SLIT3: variants seen among roughly 807,000 people sequenced by gnomAD.
The protein encoded by SLIT3 is slit homolog 3 protein.
In SLIT3, 68 loss-of-function variants were observed where a neutral mutation model predicts 184.0. The observed-to-expected ratio is 0.37, with a 90% confidence interval of 0.30 to 0.45. The LOEUF is 0.45. SLIT3 is among the 20% of genes least tolerant of loss of function. The probability of loss-of-function intolerance (pLI) is 1.00; values close to 1 mark genes in which losing one functional copy is unlikely to be tolerated. For missense variants in SLIT3, 1,707 were observed against 2,026.0 expected, an observed-to-expected ratio of 0.84 and a Z score of 3.02; for synonymous variants, 831 against 828.6, an observed-to-expected ratio of 1.00 and a Z score of -0.05.
At chr5:169,161,896 C>CT (rs1481628447) in intron 4 of SLIT3, among the ~76,000 whole-genome samples, 1 of 152,106 alleles carries the variant, frequency 6.6e-6, no homozygotes, top group African/African-American at 2.4e-5. Context: ...CTTCAGTATC[C>CT]TTCTCTGTAC....
chr5:169,095,089 T>C (rs1447356692), intron 4 of SLIT3, among the ~76,000 whole-genome samples: 1 of 152,200 alleles, frequency 6.6e-6, no homozygotes, highest in South Asian at 2.1e-4. Context: ...ATAATCTCGG[T>C]AGTTTTGAAA....
At chr5:169,141,657 T>G (rs1211796867) in intron 4 of SLIT3, among the ~76,000 whole-genome samples, 1 of 151,530 alleles carries the variant, frequency 6.6e-6, no homozygotes, top group African/African-American at 2.4e-5. Context: ...GGTAATGGCT[T>G]GAACCCGGGA....
chr5:169,116,698 C>T (rs2113275962), intron 4 of SLIT3, among the ~76,000 whole-genome samples: 1 of 152,308 alleles, frequency 6.6e-6, no homozygotes, highest in East Asian at 1.9e-4. Flanking sequence ...TTCTTCCCCT[C>T]AACAAAAGGT....
rs950738281 is a variant in SLIT3 at position 169,007,257 on chromosome 5, A to T, written c.414-123921T>A. On this transcript the variant is annotated intron_variant, in intron 4 of 35. Coordinates refer to ENST00000519560, the MANE Select transcript of SLIT3 (RefSeq NM_003062.4). Reference sequence around the variant, plus strand: ...TGACTCAAATAAATTTTTTTCCTTTATAAATGACCCAGTCTCAGGTATGTC... The same window carrying T: ...TGACTCAAATAAATTTTTTTCCTTTTTAAATGACCCAGTCTCAGGTATGTC... 2.6e-5 allele frequency among the ~76,000 whole-genome samples: 4 copies of T among 152,292 alleles called. No homozygotes were observed. In the East Asian group the frequency reaches 7.7e-4, roughly 29 times the overall value.
At chr5:168,807,393 G>C (rs1757004841) in intron 8 of SLIT3, among the ~76,000 whole-genome samples, 1 of 152,166 alleles carries the variant, frequency 6.6e-6, no homozygotes, top group Admixed American at 6.5e-5. Flanking sequence ...CTGAATACAA[G>C]AAGTAAATGC....
intron 3 of SLIT3, among the ~76,000 whole-genome samples, chr5:169,218,369 T>A (rs1423473312): frequency 6.6e-6 from 1 of 152,220 alleles, no homozygotes; most frequent in Non-Finnish European, 1.5e-5. Context: ...GCTATGTGGC[T>A]GCCTAGTTGA....
intron 3 of SLIT3, among the ~76,000 whole-genome samples, chr5:169,200,196 CA>C (rs1183098041): frequency 1.3e-5 from 2 of 152,228 alleles, no homozygotes; most frequent in African/African-American, 4.8e-5. Context: ...AGGGCCTGGG[CA>C]TGGCCCACTG....
intron 4 of SLIT3, among the ~76,000 whole-genome samples, chr5:168,888,649 T>C (rs1399136628): frequency 6.6e-6 from 1 of 152,206 alleles, no homozygotes; most frequent in Non-Finnish European, 1.5e-5. Flanking sequence ...AGGTTTGCAC[T>C]TCTTTGACTA....
At chr5:168,901,021 C>T (rs994859497) in intron 4 of SLIT3, among the ~76,000 whole-genome samples, 1 of 152,088 alleles carries the variant, frequency 6.6e-6, no homozygotes, top group African/African-American at 2.4e-5. Context: ...ACTGGGGTGA[C>T]GGATATCCTA....
At chr5:169,147,450 A>G (rs985971218) in intron 4 of SLIT3, among the ~76,000 whole-genome samples, 4 of 151,978 alleles carry the variant, frequency 2.6e-5, no homozygotes, top group African/African-American at 4.8e-5. Flanking sequence ...TACTACAGAC[A>G]GGGTTTGATC....
At chr5:168,762,478 C>G (rs1383913944) in intron 15 of SLIT3, 61 bp downstream of exon 15, 1 of 1,576,604 alleles carries the variant, frequency 6.3e-7, no homozygotes, top group East Asian at 2.3e-5. Context: ...CCTGCCCACG[C>G]TGGCTCCGGG....
intron 4 of SLIT3, among the ~76,000 whole-genome samples, chr5:169,029,832 G>A (rs1756958643): frequency 6.6e-6 from 1 of 152,200 alleles, no homozygotes; most frequent in East Asian, 1.9e-4. Context: ...GGAATCCACT[G>A]TAATTTAGGG....
intron 20 of SLIT3, among the ~76,000 whole-genome samples, chr5:168,735,091 G>A (rs904271297): frequency 6.6e-6 from 1 of 152,190 alleles, no homozygotes; most frequent in African/African-American, 2.4e-5. Context: ...ACCCTTTCAG[G>A]AGACTGCCCT....
chr5:169,271,365 T>G (rs1179397547), intron 1 of SLIT3, among the ~76,000 whole-genome samples: 1 of 152,178 alleles, frequency 6.6e-6, no homozygotes, highest in African/African-American at 2.4e-5. Flanking sequence ...TCTCCTACGC[T>G]CATTCCTGCG....
intron 4 of SLIT3, among the ~76,000 whole-genome samples, chr5:169,021,570 C>T (rs1276098168): frequency 6.6e-6 from 1 of 152,092 alleles, no homozygotes; most frequent in African/African-American, 2.4e-5. Flanking sequence ...AGGCTGGTCT[C>T]GAACTCCTGA....
At chr5:168,707,795 G>A (rs1483813401) in intron 26 of SLIT3, 181 bp downstream of exon 26, 4 of 638,224 alleles carry the variant, frequency 6.3e-6, no homozygotes, top group South Asian at 4.4e-5. Context: ...GGCAGCTCCC[G>A]CTAGTTCAGA....
chr5:168,889,078 T>C (rs991625228), intron 4 of SLIT3, among the ~76,000 whole-genome samples: 1 of 152,236 alleles, frequency 6.6e-6, no homozygotes, highest in Admixed American at 6.5e-5. Context: ...CATCGCTCTG[T>C]GCTAGGAGCT....
intron 4 of SLIT3, among the ~76,000 whole-genome samples, chr5:169,129,491 G>A (rs1394137934): frequency 1.3e-5 from 2 of 152,158 alleles, no homozygotes; most frequent in Non-Finnish European, 2.9e-5. Flanking sequence ...GGCAGAGATT[G>A]CAGTGAGACG....
intron 4 of SLIT3, among the ~76,000 whole-genome samples, chr5:169,045,228 T>C (rs1757587365): frequency 1.3e-5 from 2 of 151,952 alleles, no homozygotes; most frequent in Admixed American, 1.3e-4. Flanking sequence ...TTGGGAGGGG[T>C]GACTCCTGTA....
Sources: gnomAD v4.1 joint callset for allele counts (sites outside exome capture counted in the v4.1 genomes callset) on GRCh38, gnomAD v4.1.1 for gene constraint, MANE v1.5 for transcripts, NCBI Gene and HGNC (gene_info 2026-07-23, HGNC 2026-07-21) for gene names.